Variants in LTBP2 observed in about 807,000 individuals in gnomAD.
LTBP2 encodes the protein latent-transforming growth factor beta-binding protein 2.
In LTBP2, 103 loss-of-function variants were observed where a neutral mutation model predicts 210.6. That is an observed-to-expected ratio of 0.49 (90% CI 0.42 to 0.58). The LOEUF (loss-of-function observed/expected upper bound fraction) is 0.58. LTBP2 is among the 20% of genes least tolerant of loss of function. LTBP2 has a pLI of 0.00. For synonymous variants in LTBP2, 1,007 were observed against 1,015.0 expected, an observed-to-expected ratio of 0.99 and a Z score of 0.15; for missense variants, 2,313 against 2,494.5, an observed-to-expected ratio of 0.93 and a Z score of 1.55.
At chr14:74,585,029 T>C (rs890263703) in intron 3 of LTBP2, among the ~76,000 whole-genome samples, 7 of 152,136 alleles carry the variant, frequency 4.6e-5, no homozygotes, top group Non-Finnish European at 7.4e-5. Context: ...AGAAAGCGAA[T>C]GGAAAAACTA....
At position 74,500,766 on chromosome 14, in the gene LTBP2, C is replaced by CTGAT; in HGVS notation, c.*114_*117dup. On this transcript the variant is annotated 3_prime_UTR_variant, in exon 36 of 36. Coordinates refer to ENST00000261978, the MANE Select transcript of LTBP2 (RefSeq NM_000428.3). ...CTGGGAGAGATGAAAGCAGGCAAGGCTGATTGGAAACCTCTGGCCTGATGT... is the reference window on the plus strand; with the variant it reads ...CTGGGAGAGATGAAAGCAGGCAAGGCTGATTGATTGGAAACCTCTGGCCTGATGT... The CTGAT allele has an allele frequency of 8.0e-6, 11 of 1,376,216 alleles. No individual in the cohort carries two copies. Among genetic ancestry groups the CTGAT allele is most frequent in the Non-Finnish European group, 1.1e-5 (11 of 970,888 alleles). 85.3% of individuals were successfully genotyped at this position (1,376,216 alleles called of 1,614,324 possible).
Position 74,611,675 on chromosome 14 carries a change from C to A in LTBP2, c.270G>T (p.Pro90=). 1 of 1,565,398 alleles carries A rather than the reference C, an allele frequency of 6.4e-7. No individual in the cohort carries two copies. The highest frequency in any genetic ancestry group is 2.3e-5 in the East Asian group (1 of 43,004). ...AGLQPVERAQ[P]GWGSPRRPTE... The stretch of plus-strand genomic sequence containing the variant: ...TGGGCCTCCTGGGGCTCCCCCAGCC[C>A]GGCTGGGCCCGCTCCACGGGCTGCA... The change falls in exon 1 of 36, where the codon CCG becomes CCT. Residue 90 remains proline (P), a synonymous_variant. Transcript: ENST00000261978.
At chr14:74,584,930 T>C (rs1304019603) in intron 3 of LTBP2, among the ~76,000 whole-genome samples, 3 of 152,164 alleles carry the variant, frequency 2.0e-5, no homozygotes, top group African/African-American at 7.2e-5. Flanking sequence ...CTCCTCTCCC[T>C]GGTTCTCCTG....
intron 1 of LTBP2, among the ~76,000 whole-genome samples, chr14:74,609,546 T>G (rs939172365): frequency 6.6e-6 from 1 of 152,104 alleles, no homozygotes; most frequent in Non-Finnish European, 1.5e-5. Flanking sequence ...AAAGCTGCAG[T>G]GCTACCCCTG....
chr14:74,581,545 G>A (rs749010248), intron 3 of LTBP2, among the ~76,000 whole-genome samples: 65 of 152,154 alleles, frequency 4.3e-4, no homozygotes, highest in Non-Finnish European at 8.4e-4. Flanking sequence ...CTCAAGCCAA[G>A]GAATGAGGGC....
chr14:74,554,976 G>T (rs1429109139), intron 4 of LTBP2, among the ~76,000 whole-genome samples: 1 of 151,920 alleles, frequency 6.6e-6, no homozygotes, highest in African/African-American at 2.4e-5. Flanking sequence ...GAAAGGAGGG[G>T]AGGGGAGGGG....
At chr14:74,605,610 T>C (rs1255710195) in intron 1 of LTBP2, among the ~76,000 whole-genome samples, 1 of 152,192 alleles carries the variant, frequency 6.6e-6, no homozygotes, top group Non-Finnish European at 1.5e-5. Context: ...AAACAGATTC[T>C]GTGCCCTGGG....
chr14:74,531,738 G>C (rs1566626315), intron 10 of LTBP2, among the ~76,000 whole-genome samples: 1 of 152,204 alleles, frequency 6.6e-6, no homozygotes, highest in Non-Finnish European at 1.5e-5. Context: ...AGTTGGGACT[G>C]GTTTTATTCA....
At position 74,502,932 on chromosome 14, in the gene LTBP2, C is replaced by A. The variant is rs2086930046; in HGVS notation, c.4891G>T (p.Val1631Phe). The A allele has an allele frequency of 3.1e-6, 5 of 1,611,384 alleles. No individual in the cohort carries two copies. Among genetic ancestry groups the A allele is most frequent in the Non-Finnish European group, 4.2e-6 (5 of 1,179,932 alleles). The change falls in exon 34 of 36, where the codon GTC becomes TTC. Residue 1631 changes from valine (V) to phenylalanine (F), a missense_variant and splice_region_variant. Val to Phe is a conservative substitution (Grantham distance 50). Around this residue, in one of 3 missense-constraint regions of LTBP2, gnomAD observed 443 missense variants for 501.4 expected, o/e 0.88. Coordinates refer to ENST00000261978, the MANE Select transcript of LTBP2 (RefSeq NM_000428.3). ...GCCACGTTGCACAGCTGAGCATAGA[C>A]CTCTGTCAGGGAGGAGGGAGAGAAG... ...CALCPPRSSE[V>F]YAQLCNVARI...
Position 74,529,114 on chromosome 14 carries a change from C to T in LTBP2, c.1996G>A (p.Ala666Thr). 2.6e-6 allele frequency: 4 copies of T among 1,551,796 alleles called. No homozygotes were observed. The highest frequency in any genetic ancestry group is 2.6e-6 in the Non-Finnish European group (3 of 1,147,378). The change falls in exon 11 of 36, where the codon GCA becomes ACA. Residue 666 changes from alanine to threonine, a missense_variant. This residue lies in a region of LTBP2 where 1,867 missense variants were observed against 1,976.9 expected (regional missense o/e 0.94). Transcript: ENST00000261978. ...PSRSRCVSDK[A>T]ISMLQGLCYR... is the part of the protein sequence containing the mutation. ...CACAGTCCCTGCAGCATGGAGATTGCCTTGTCCGCTGCAACAGACACAGCA... is the reference window on the plus strand; with the variant it reads ...CACAGTCCCTGCAGCATGGAGATTGTCTTGTCCGCTGCAACAGACACAGCA...
intron 27 of LTBP2, 97 bp from the exon 28 acceptor site, chr14:74,506,288 G>A: frequency 6.6e-7 from 1 of 1,518,508 alleles, no homozygotes; most frequent in Non-Finnish European, 9.1e-7. Context: ...AGCAGGCTAG[G>A]CCTTGGGGAA....
intron 28 of LTBP2, 148 bp downstream of exon 28, chr14:74,505,900 C>T (rs543734833): frequency 1.5e-5 from 17 of 1,114,038 alleles, no homozygotes; most frequent in South Asian, 2.9e-5. Context: ...CCCCTCCATG[C>T]ACCAGGCCCC....
chr14:74,527,108 G>C lies in LTBP2; in HGVS notation c.2388+239C>G, dbSNP rs1330012281. On this transcript the variant is annotated intron_variant, in intron 13 of 35. Transcript: ENST00000261978. ...AGGGGCCCCAGCCCATCCCAAATGG[G>C]AAAATGCTTGCACAATGGCTGCTCC... 4.6e-5 allele frequency among the ~76,000 whole-genome samples: 7 copies of C among 152,218 alleles called. No homozygotes were observed. In the East Asian group the frequency reaches 1.3e-3, roughly 29 times the overall value.
intron 9 of LTBP2, among the ~76,000 whole-genome samples, chr14:74,532,808 TG>T (rs1469801528): frequency 6.6e-6 from 1 of 152,178 alleles, no homozygotes; most frequent in African/African-American, 2.4e-5. Context: ...CATGTAACAA[TG>T]ATCATAATAT....
chr14:74,558,905 A>G lies in LTBP2; in HGVS notation c.831-3212T>C, dbSNP rs573878735. Among the ~76,000 whole-genome samples, 5 of 152,310 alleles carry G rather than the reference A, an allele frequency of 3.3e-5. No individual in the cohort carries two copies. The East Asian group carries it at 9.7e-4, about 29-fold the overall frequency. ...ACAGATGTTGGTTCTGCCTCTTACT[A>G]GCAGCACAGCCTTGAGCAAGTCACT... On this transcript the variant is annotated intron_variant, in intron 3 of 35. Transcript: ENST00000261978.
chr14:74,604,503 G>C (rs994887570), intron 1 of LTBP2, among the ~76,000 whole-genome samples: 3 of 152,006 alleles, frequency 2.0e-5, no homozygotes, highest in Admixed American at 6.6e-5. Flanking sequence ...TTATTTGAGA[G>C]GCAAACAGGA....
In LTBP2 at chr14:74,611,934, C is replaced by A; in HGVS notation, c.11G>T (p.Arg4Leu). 6.3e-7 allele frequency: 1 copy of A among 1,581,748 alleles called. No individual in the cohort carries two copies. Residue 4 changes from arginine (R) to leucine (L), a missense_variant, in exon 1 of 36, where the codon CGG becomes CTG. Coordinates refer to ENST00000261978, the MANE Select transcript of LTBP2 (RefSeq NM_000428.3). MRP[R>L]TKARSPGRAL... is the part of the protein sequence containing the mutation. ...GCGCCCCGGGCTGCGGGCTTTGGTC[C>A]GCGGCCTCATGGCGCGGGGCGGCTG...
At chr14:74,593,712 T>C (rs2088315422) in intron 2 of LTBP2, among the ~76,000 whole-genome samples, 1 of 152,142 alleles carries the variant, frequency 6.6e-6, no homozygotes, top group Non-Finnish European at 1.5e-5. Context: ...GCTACCACAC[T>C]GGACAGCAAG....
intron 2 of LTBP2, among the ~76,000 whole-genome samples, chr14:74,588,891 G>T (rs1257404218): frequency 1.3e-5 from 2 of 152,186 alleles, no homozygotes; most frequent in Non-Finnish European, 2.9e-5. Context: ...TGACTGAGAA[G>T]CCCAGGCTCT....
Sources: gnomAD v4.1 joint callset for allele counts (sites outside exome capture counted in the v4.1 genomes callset) on GRCh38, gnomAD v4.1.1 for gene constraint, gnomAD v4.1.1 regional missense constraint, MANE v1.5 for transcripts, NCBI Gene and HGNC (gene_info 2026-07-23, HGNC 2026-07-21) for gene names.